Variants in TRDN observed in about 807,000 individuals in gnomAD.
TRDN encodes triadin in skeletal muscle.
In TRDN, 161 loss-of-function variants were observed where a neutral mutation model predicts 149.7. The ratio of observed to expected loss-of-function variants is 1.08; its 90% CI spans 0.95 to 1.23. The LOEUF (loss-of-function observed/expected upper bound fraction) is 1.23. TRDN is among the 50% of genes most tolerant of loss of function. The probability of loss-of-function intolerance (pLI) is 0.00; values close to 1 mark genes in which losing one functional copy is unlikely to be tolerated. For synonymous variants in TRDN, 294 were observed against 250.5 expected (o/e 1.17, Z -1.64); for missense variants, 896 against 823.5 (o/e 1.09, Z -1.08).
chr6:123,402,871 T>C (rs955972088), intron 12 of TRDN, among the ~76,000 whole-genome samples: 1 of 152,236 alleles, frequency 6.6e-6, no homozygotes, highest in East Asian at 1.9e-4. Flanking sequence ...AGGCTGTTTG[T>C]TCAAATAAGA....
rs181052898 is a variant in TRDN, at chr6:123,585,438, A to G, written c.23-14306T>C. On this transcript the variant is annotated intron_variant, in intron 1 of 40. Transcript: ENST00000334268. Reference sequence around the variant, plus strand: ...CTTGAAAAGAAGGTAATGTGGAGTGAGTAGCCTTGGTATTGATTAAGATGG... The same window carrying G: ...CTTGAAAAGAAGGTAATGTGGAGTGGGTAGCCTTGGTATTGATTAAGATGG... Among the ~76,000 whole-genome samples, 47 of 152,178 alleles carry G rather than the reference A, an allele frequency of 3.1e-4. 1 individual carries two copies. The East Asian group carries it at 3.3e-3, about 11-fold the overall frequency.
chr6:123,544,908 T>C (rs1360227942), intron 4 of TRDN, among the ~76,000 whole-genome samples: 1 of 152,008 alleles, frequency 6.6e-6, no homozygotes, highest in African/African-American at 2.4e-5. Flanking sequence ...TAATCAATAC[T>C]GCAACCCTGA....
chr6:123,526,063 A>G (rs1471754611), intron 5 of TRDN, among the ~76,000 whole-genome samples: 1 of 152,104 alleles, frequency 6.6e-6, no homozygotes, highest in African/African-American at 2.4e-5. Flanking sequence ...ACAGAAAACT[A>G]GTACACCTAT....
intron 38 of TRDN, among the ~76,000 whole-genome samples, chr6:123,224,566 T>C (rs1775286587): frequency 6.6e-6 from 1 of 151,808 alleles, no homozygotes; most frequent in Non-Finnish European, 1.5e-5. Context: ...GATTTTAGCC[T>C]TTTTGACAAT....
At chr6:123,503,951 A>G in intron 7 of TRDN, 50 bp from the exon 8 acceptor site, 2 of 1,501,714 alleles carry the variant, frequency 1.3e-6, no homozygotes, top group Non-Finnish European at 1.8e-6. Flanking sequence ...TTACAAACAT[A>G]ATGTTTCATC....
chr6:123,248,483 G>A (rs1310245265), intron 38 of TRDN, among the ~76,000 whole-genome samples: 3 of 152,062 alleles, frequency 2.0e-5, no homozygotes, highest in Non-Finnish European at 4.4e-5. Flanking sequence ...CTTGAACCCA[G>A]GAGGCAGAAG....
chr6:123,499,603 C>A (rs2114819570), intron 8 of TRDN, among the ~76,000 whole-genome samples: 1 of 148,320 alleles, frequency 6.7e-6, no homozygotes, highest in Non-Finnish European at 1.5e-5. Context: ...ACTCCGGAGG[C>A]TGAGGCAGGA....
At chr6:123,339,205 A>G (rs2114740764) in intron 21 of TRDN, among the ~76,000 whole-genome samples, 1 of 152,030 alleles carries the variant, frequency 6.6e-6, no homozygotes, top group East Asian at 1.9e-4. Flanking sequence ...GGTTTTCACC[A>G]TACTAGCCAG....
chr6:123,614,689 A>G (rs1196161555), intron 1 of TRDN, among the ~76,000 whole-genome samples: 1 of 152,044 alleles, frequency 6.6e-6, no homozygotes, highest in African/African-American at 2.4e-5. Context: ...GCCTGAAACC[A>G]TGAAACTACA....
chr6:123,381,306 A>T, intron 16 of TRDN, 64 bp downstream of exon 16: 2 of 1,449,294 alleles, frequency 1.4e-6, no homozygotes, highest in Non-Finnish European at 1.9e-6. Context: ...GTCTAAATAC[A>T]GCAGCAGGCA....
chr6:123,433,232 A>C (rs1774414284), intron 12 of TRDN, among the ~76,000 whole-genome samples: 1 of 148,092 alleles, frequency 6.8e-6, no homozygotes, highest in African/African-American at 2.5e-5. Flanking sequence ...TCAATACATC[A>C]GATCTCAATT....
intron 10 of TRDN, among the ~76,000 whole-genome samples, chr6:123,454,705 G>A (rs748319666): frequency 1.1e-4 from 17 of 152,172 alleles, no homozygotes; most frequent in Non-Finnish European, 2.4e-4. Context: ...GCCTCCTGTC[G>A]GATCAGCAGC....
chr6:123,517,865 G>A (rs1000906286), intron 5 of TRDN, among the ~76,000 whole-genome samples: 1 of 151,918 alleles, frequency 6.6e-6, no homozygotes, highest in Non-Finnish European at 1.5e-5. Context: ...TTATATTTCA[G>A]CAATTCAATA....
intron 10 of TRDN, chr6:123,456,876 G>A (rs1004917600): frequency 2.2e-6 from 1 of 455,782 alleles, no homozygotes; most frequent in African/African-American, 2.0e-5. Context: ...GACGCCATTT[G>A]GAATTGTAAC....
intron 2 of TRDN, among the ~76,000 whole-genome samples, chr6:123,568,612 G>A (rs1197416829): frequency 6.6e-6 from 1 of 152,192 alleles, no homozygotes; most frequent in Non-Finnish European, 1.5e-5. Flanking sequence ...TCACATGAAA[G>A]GCACCAAGGC....
intron 2 of TRDN, among the ~76,000 whole-genome samples, chr6:123,560,657 C>T (rs978902039): frequency 6.6e-6 from 1 of 152,178 alleles, no homozygotes; most frequent in Non-Finnish European, 1.5e-5. Flanking sequence ...CAACTTCTAT[C>T]CCTCGTGCAG....
chr6:123,410,685 A>G (rs1773395794), intron 12 of TRDN, among the ~76,000 whole-genome samples: 1 of 152,124 alleles, frequency 6.6e-6, no homozygotes, highest in Admixed American at 6.5e-5. Context: ...ATAGTGGATT[A>G]CATCACTGTT....
intron 23 of TRDN, among the ~76,000 whole-genome samples, chr6:123,328,381 C>A (rs566817327): frequency 1.3e-5 from 2 of 152,340 alleles, no homozygotes; most frequent in Admixed American, 1.3e-4. Flanking sequence ...CAACCAACAC[C>A]AACACCACCT....
At chr6:123,457,708 G>C (rs1418611036) in intron 10 of TRDN, 1 of 307,686 alleles carries the variant, frequency 3.3e-6, no homozygotes, top group Non-Finnish European at 6.3e-6. Flanking sequence ...AGATACCTAT[G>C]TTACCTCAGG....
Sources: gnomAD v4.1 joint callset for allele counts (sites outside exome capture counted in the v4.1 genomes callset) on GRCh38, gnomAD v4.1.1 for gene constraint, MANE v1.5 for transcripts, NCBI Gene and HGNC (gene_info 2026-07-23, HGNC 2026-07-21) for gene names.